GPT2: variants seen among roughly 807,000 people sequenced by gnomAD.
GPT2 encodes the protein alanine aminotransferase 2.
In GPT2, 30 loss-of-function variants were observed where a neutral mutation model predicts 56.9. The ratio of observed to expected loss-of-function variants is 0.53; its 90% CI spans 0.39 to 0.72. The LOEUF (loss-of-function observed/expected upper bound fraction) is 0.72. Ranked by LOEUF, GPT2 falls within the 30% of genes least tolerant of loss-of-function variation. The pLI, the probability that GPT2 is intolerant of heterozygous loss-of-function variation, is 0.00. For missense variants in GPT2, 542 were observed against 703.4 expected, an observed-to-expected ratio of 0.77 and a Z score of 2.60; for synonymous variants, 271 against 283.1, an observed-to-expected ratio of 0.96 and a Z score of 0.43.
intron 8 of GPT2, 143 bp from the exon 9 acceptor site, chr16:46,922,099 T>C: frequency 1.4e-6 from 1 of 696,192 alleles, no homozygotes; most frequent in Non-Finnish European, 2.4e-6. Flanking sequence ...ATCACTGTTG[T>C]TCACCTTCCA....
chr16:46,924,602 T>TG, intron 10 of GPT2, 58 bp downstream of exon 10: 3 of 1,585,676 alleles, frequency 1.9e-6, no homozygotes, highest in Non-Finnish European at 2.6e-6. Flanking sequence ...GATGCTGGGT[T>TG]GGGGGCCCCT....
rs545509946 is a variant in GPT2 at position 46,926,452 on chromosome 16, A to G, written c.1369-473A>G. Among the ~76,000 whole-genome samples, 15 of 152,230 alleles carry G rather than the reference A, an allele frequency of 9.9e-5. No homozygotes were observed. In the East Asian group the frequency reaches 2.9e-3, roughly 29 times the overall value. On this transcript the variant is annotated intron_variant, in intron 10 of 11. Transcript: ENST00000340124. The stretch of plus-strand genomic sequence containing the variant: ...TGACAGAGGGAGACTCTGTTGCAAA[A>G]AAAAAAAAAGAATCCCTGATGATAG...
rs541630170 is a variant in GPT2, at chr16:46,929,045, A to G, written c.*48A>G. 64 of 1,467,210 alleles carry G rather than the reference A, an allele frequency of 4.4e-5. No homozygotes were observed. In the East Asian group the frequency reaches 1.0e-3, roughly 23 times the overall value. 90.9% of individuals were successfully genotyped at this position (1,467,210 alleles called of 1,614,324 possible). A position where few individuals can be genotyped will look rare whatever the true frequency, so the allele number is the denominator to read the frequency against. On this transcript the variant is annotated 3_prime_UTR_variant, in exon 12 of 12. Transcript: ENST00000340124. ...GACCTGTCCTTGGCTCTTCCTCCCA[A>G]TGCCCGTCAGGCTGAACTCGCCTCC...
chr16:46,900,855 C>G (rs1298641678), intron 4 of GPT2, 65 bp downstream of exon 4: 3 of 1,377,390 alleles, frequency 2.2e-6, no homozygotes, highest in Non-Finnish European at 3.1e-6. Flanking sequence ...CGGCCCCAGC[C>G]TCAAGCGGAG....
chr16:46,908,111 G>A (rs569944232), intron 5 of GPT2, among the ~76,000 whole-genome samples: 3 of 151,256 alleles, frequency 2.0e-5, no homozygotes, highest in Non-Finnish European at 4.4e-5. Context: ...CCTGGGTTTG[G>A]GAGACCGGTG....
At chr16:46,888,095 G>A (rs1375684293) in intron 2 of GPT2, among the ~76,000 whole-genome samples, 1 of 152,244 alleles carries the variant, frequency 6.6e-6, no homozygotes, top group Non-Finnish European at 1.5e-5. Flanking sequence ...GATGGGGGTT[G>A]GGGATTGGTA....
chr16:46,918,588 C>T (rs1567342014), intron 7 of GPT2, 33 bp from the exon 8 acceptor site: 1 of 1,610,864 alleles, frequency 6.2e-7, no homozygotes, highest in Non-Finnish European at 8.5e-7. Context: ...CTTTGAGGAC[C>T]CTTTGGTGAC....
chr16:46,916,702 G>A lies in GPT2; in HGVS notation c.895G>A (p.Asp299Asn). ...GGAAGAGAAGCTCTTTCTCCTGGCT[G>A]ATGAGGTAAGAATGTCCCCACTCAG... is the stretch of plus-strand genomic sequence containing the variant. ...AWEEKLFLLA[D>N]EVYQDNVYSP... The change falls in exon 7 of 12, where the codon GAT becomes AAT. Residue 299 changes from aspartate to asparagine, a missense_variant. Transcript: ENST00000340124. 1.2e-6 allele frequency: 2 copies of A among 1,610,058 alleles called. No individual in the cohort carries two copies. The highest frequency in any genetic ancestry group is 1.7e-6 in the Non-Finnish European group (2 of 1,176,296).
Position 46,928,938 on chromosome 16 carries a change from A to C in GPT2, c.1513A>C (p.Lys505Gln). Reference protein sequence around the residue: ...MTILPPVEKLKTVLQKVKDFH... With the variant: ...MTILPPVEKLQTVLQKVKDFH... ...TATCCTCCCTCCAGTGGAGAAGCTG[A>C]AAACGGTGCTGCAGAAGGTGAAAGA... Residue 505 changes from lysine (K) to glutamine (Q), a missense_variant, in exon 12 of 12, where the codon AAA becomes CAA. By Grantham distance (53) the Lys-to-Gln change is moderately conservative. Transcript: ENST00000340124. 1 of 1,614,064 alleles carries C rather than the reference A, an allele frequency of 6.2e-7. No individual in the cohort carries two copies.
chr16:46,926,130 CAAAAA>C (rs57922941), intron 10 of GPT2, among the ~76,000 whole-genome samples: 6 of 58,168 alleles, frequency 1.0e-4, no homozygotes, highest in African/African-American at 1.4e-4. Flanking sequence ...GACTCTGTCT[CAAAAA>C]AAAAAAAAAA....
At chr16:46,898,222 T>C (rs1389608687) in intron 3 of GPT2, among the ~76,000 whole-genome samples, 2 of 152,086 alleles carry the variant, frequency 1.3e-5, no homozygotes, top group Non-Finnish European at 2.9e-5. Context: ...TGCCGGGCCT[T>C]GGTGAGGCGA....
Position 46,909,758 on chromosome 16 carries a change from C to T in GPT2, c.651C>T (p.Pro217=), listed in dbSNP as rs1166017262. Residue 217 remains proline (P), a synonymous_variant, in exon 6 of 12, where the codon CCC becomes CCT. Coordinates refer to ENST00000340124, the MANE Select transcript of GPT2 (RefSeq NM_133443.4). The stretch of plus-strand genomic sequence containing the variant: ...TGATGATCCCCATCCCACAATATCC[C>T]CTCTATTCAGCTGTCATCTCTGAGC... ...TGVMIPIPQY[P]LYSAVISELD... 1.2e-6 allele frequency: 2 copies of T among 1,614,118 alleles called. No homozygotes were observed. The highest frequency in any genetic ancestry group is 1.7e-6 in the Non-Finnish European group (2 of 1,180,010).
At chr16:46,927,166 C>G in intron 11 of GPT2, 129 bp downstream of exon 11, 1 of 522,112 alleles carries the variant, frequency 1.9e-6, no homozygotes, top group Non-Finnish European at 3.4e-6. Flanking sequence ...CGAGTCACCC[C>G]TACTCTGTCC....
At chr16:46,895,384 G>A (rs1960666403) in intron 2 of GPT2, among the ~76,000 whole-genome samples, 1 of 152,080 alleles carries the variant, frequency 6.6e-6, no homozygotes, top group African/African-American at 2.4e-5. Flanking sequence ...AATTAGCCGG[G>A]TGTGGTGATG....
chr16:46,924,442 C>T lies in GPT2; in HGVS notation c.1266C>T (p.Asp422=), dbSNP rs1961359968. ...CCAAAAAAGCAAAGCTGACGGAAGA[C>T]CTGTTTAACCAAGTCCCAGGAATTC... The part of the protein sequence containing the change: ...NLAKKAKLTE[D]LFNQVPGIHC... Residue 422 remains aspartate (D), a synonymous_variant, in exon 10 of 12, where the codon GAC becomes GAT. Coordinates refer to ENST00000340124, the MANE Select transcript of GPT2 (RefSeq NM_133443.4). 1.9e-6 allele frequency: 3 copies of T among 1,614,082 alleles called. No homozygotes were observed. Among genetic ancestry groups the T allele is most frequent in the Admixed American group, 1.7e-5 (1 of 60,000 alleles).
At chr16:46,926,846 TAG>T (rs1379069484) in intron 10 of GPT2, 77 bp from the exon 11 acceptor site, 12 of 925,012 alleles carry the variant, frequency 1.3e-5, no homozygotes, top group Non-Finnish European at 1.8e-5. Flanking sequence ...ACCTGCCATT[TAG>T]ATTACATTTG....
chr16:46,928,328 C>CAA (rs796983032), intron 11 of GPT2, among the ~76,000 whole-genome samples: 1 of 142,404 alleles, frequency 7.0e-6, no homozygotes, highest in Admixed American at 7.0e-5. Context: ...ACCCTATCTC[C>CAA]AAAAAAAAAA....
chr16:46,919,307 G>C (rs557214515), intron 8 of GPT2, among the ~76,000 whole-genome samples: 1 of 152,372 alleles, frequency 6.6e-6, no homozygotes, highest in East Asian at 1.9e-4. Context: ...TAGTGAGGGG[G>C]GAGAGCTGTA....
intron 2 of GPT2, chr16:46,885,238 C>A: frequency 1.7e-6 from 2 of 1,201,914 alleles, no homozygotes; most frequent in Non-Finnish European, 2.1e-6. Flanking sequence ...GTGTGTCTGC[C>A]CTACTCTCGT....
Sources: allele counts gnomAD v4.1 joint callset (sites outside exome capture counted in the v4.1 genomes callset), GRCh38; gene constraint gnomAD v4.1.1; transcripts MANE v1.5; gene names NCBI Gene and HGNC (gene_info 2026-07-23, HGNC 2026-07-21).